MAOB: variants seen among roughly 807,000 people sequenced by gnomAD.
MAOB encodes amine oxidase [flavin-containing] B.
A neutral mutation model predicts 41.9 loss-of-function variants in MAOB; 15 were observed. That is an observed-to-expected ratio of 0.36 (90% confidence interval 0.24 to 0.55). MAOB has a LOEUF of 0.55. Among genes scored for constraint, MAOB ranks in the 20% least tolerant of loss-of-function variants. MAOB has a pLI of 0.86. For missense variants in MAOB, 345 were observed against 398.7 expected (o/e 0.87, Z 1.15); for synonymous variants, 167 against 144.2 (o/e 1.16, Z -1.13).
chrX:43,795,906 G>C lies in MAOB; in HGVS notation c.619-18C>G, dbSNP rs375073581. On this transcript the variant is annotated intron_variant, in intron 6 of 14. Coordinates refer to ENST00000378069, the MANE Select transcript of MAOB (RefSeq NM_000898.5). ...TTCCTCTCCTGGAAAGAGAAAAGGA[G>C]GTGAAAGAGAAACGCAGGAATGGGC... The C allele has an allele frequency of 1.7e-5, 20 of 1,198,775 alleles. No homozygotes were observed. The highest frequency in any genetic ancestry group is 2.1e-5 in the Non-Finnish European group (19 of 889,725).
intron 11 of MAOB, among the ~76,000 whole-genome samples, chrX:43,777,724 C>G (rs1383710158): frequency 1.8e-5 from 2 of 111,975 alleles, no homozygotes; most frequent in Non-Finnish European, 3.8e-5. Flanking sequence ...AGAGGCTTAA[C>G]AAGTTAAACA....
intron 3 of MAOB, among the ~76,000 whole-genome samples, chrX:43,810,406 AT>A (rs2034732537): frequency 1.8e-5 from 2 of 110,568 alleles, no homozygotes; most frequent in South Asian, 7.7e-4. Flanking sequence ...ACAGTTTTTA[AT>A]AAAAATTTAT....
chrX:43,808,335 G>A (rs1249744672), intron 3 of MAOB, among the ~76,000 whole-genome samples: 2 of 111,666 alleles, frequency 1.8e-5, no homozygotes, highest in Non-Finnish European at 3.8e-5. Context: ...AGGTTTTTTT[G>A]TTTGCTTGTT....
In MAOB at chrX:43,767,251, G is replaced by T. The variant is rs2034122627; in HGVS notation, c.*215C>A. On this transcript the variant is annotated 3_prime_UTR_variant, in exon 15 of 15. Coordinates refer to ENST00000378069, the MANE Select transcript of MAOB (RefSeq NM_000898.5). ...TTGAGGGCAATAAACTTGGAAACTG[G>T]TGAAACAGAACGCTAAGCCAGGTAA... The T allele has an allele frequency of 8.4e-6, 3 of 356,911 alleles. No homozygotes were observed. The Admixed American group carries it at 1.5e-4, about 18-fold the overall frequency. The allele number at this position is 356,911 out of a possible 1,213,427, so 29.4% of individuals were successfully genotyped here.
chrX:43,818,265 A>C (rs771265737), intron 3 of MAOB, among the ~76,000 whole-genome samples: 1 of 112,486 alleles, frequency 8.9e-6, no homozygotes, highest in East Asian at 2.8e-4. Context: ...TTATCCATTC[A>C]TCTGTTGATA....
chrX:43,854,626 T>C (rs1412419581), intron 1 of MAOB, among the ~76,000 whole-genome samples: 1 of 111,653 alleles, frequency 9.0e-6, no homozygotes. Flanking sequence ...TATGTATACC[T>C]ATGTAACAAA....
chrX:43,786,369 C>T (rs936920896), intron 8 of MAOB, among the ~76,000 whole-genome samples: 6 of 111,481 alleles, frequency 5.4e-5, no homozygotes, highest in Middle Eastern at 9.2e-3. Context: ...TGTGTGCATA[C>T]GTGTGTGTAA....
chrX:43,776,559 T>C (rs762371305), intron 11 of MAOB, among the ~76,000 whole-genome samples: 1 of 111,375 alleles, frequency 9.0e-6, no homozygotes, highest in East Asian at 2.9e-4. Context: ...AATGGCTTTT[T>C]TTTTTAAATC....
At chrX:43,851,555 C>T (rs2035252551) in intron 1 of MAOB, among the ~76,000 whole-genome samples, 2 of 111,527 alleles carry the variant, frequency 1.8e-5, no homozygotes, top group Middle Eastern at 4.3e-3. Context: ...AGTAGCCCTC[C>T]TACGGATTAC....
At chrX:43,799,208 T>A (rs748105836) in intron 5 of MAOB, among the ~76,000 whole-genome samples, 149 of 112,404 alleles carry the variant, frequency 1.3e-3, no homozygotes, top group Non-Finnish European at 2.5e-3. Context: ...TTAAAGCGAC[T>A]TACAGTTAGT....
At chrX:43,774,323 T>C (rs2034225006) in intron 12 of MAOB, among the ~76,000 whole-genome samples, 1 of 111,838 alleles carries the variant, frequency 8.9e-6, no homozygotes, top group Non-Finnish European at 1.9e-5. Context: ...ACAACACACT[T>C]GGATGTATAA....
intron 1 of MAOB, among the ~76,000 whole-genome samples, chrX:43,853,867 C>T (rs769557530): frequency 8.9e-6 from 1 of 112,297 alleles, no homozygotes. Flanking sequence ...TGATCTTGGG[C>T]TTCCAGCCTC....
At chrX:43,781,338 C>A in intron 9 of MAOB, 110 bp downstream of exon 9, 1 of 358,423 alleles carries the variant, frequency 2.8e-6, no homozygotes, top group Non-Finnish European at 4.6e-6. Context: ...AAAATAATAC[C>A]ACTGGGTAAA....
intron 2 of MAOB, among the ~76,000 whole-genome samples, chrX:43,841,322 G>C (rs1371018571): frequency 2.7e-5 from 3 of 111,247 alleles, no homozygotes; most frequent in African/African-American, 9.8e-5. Flanking sequence ...ATTAAAATAA[G>C]GGTATTTATA....
chrX:43,776,124 C>T (rs2034252222), intron 11 of MAOB, among the ~76,000 whole-genome samples: 2 of 112,152 alleles, frequency 1.8e-5, no homozygotes, highest in East Asian at 2.8e-4. Flanking sequence ...CAGCACCTGA[C>T]GGCTACATCC....
chrX:43,851,772 T>A (rs1302730623), intron 1 of MAOB, among the ~76,000 whole-genome samples: 1 of 111,168 alleles, frequency 9.0e-6, no homozygotes, highest in Admixed American at 9.6e-5. Flanking sequence ...GAAGACAGAT[T>A]AGGAAATCTA....
At chrX:43,815,982 A>G (rs2034809556) in intron 3 of MAOB, among the ~76,000 whole-genome samples, 1 of 112,168 alleles carries the variant, frequency 8.9e-6, no homozygotes, top group South Asian at 3.7e-4. Flanking sequence ...CAGTAGCAAT[A>G]TGGACAAAAA....
intron 1 of MAOB, among the ~76,000 whole-genome samples, chrX:43,862,489 G>A (rs2035339043): frequency 8.9e-6 from 1 of 112,421 alleles, no homozygotes; most frequent in Admixed American, 9.4e-5. Flanking sequence ...AATCCACTGA[G>A]TTTCACTAAA....
chrX:43,772,626 C>T (rs1379658882), intron 12 of MAOB, among the ~76,000 whole-genome samples: 1 of 111,932 alleles, frequency 8.9e-6, no homozygotes, highest in East Asian at 2.8e-4. Context: ...TCTGATTCTC[C>T]ATTCTGTCCT....
Sources: gnomAD v4.1 joint callset for allele counts (sites outside exome capture counted in the v4.1 genomes callset) on GRCh38, gnomAD v4.1.1 for gene constraint, MANE v1.5 for transcripts, NCBI Gene and HGNC (gene_info 2026-07-23, HGNC 2026-07-21) for gene names.